The following EPCIP variants were observed in gnomAD, a reference collection of about 807,000 sequenced individuals.
The protein encoded by EPCIP is exosomal polycystin-1-interacting protein.
At chr21:32,805,833 A>G in the EPCIP span, among the ~76,000 whole-genome samples, 5 of 152,090 alleles carry the variant, frequency 3.3e-5, no homozygotes, top group Admixed American at 2.0e-4. Context: ...AGCCTGGATC[A>G]TTGGTAACTA....
the EPCIP span, among the ~76,000 whole-genome samples, chr21:32,806,052 G>A: frequency 6.6e-6 from 1 of 152,138 alleles, no homozygotes; most frequent in African/African-American, 2.4e-5. Context: ...TGGGACAGTG[G>A]CATTTGTGTC....
chr21:32,809,182 CGTGTGTGTGTGTGTGT>C, the EPCIP span, among the ~76,000 whole-genome samples: 2 of 121,092 alleles, frequency 1.7e-5, no homozygotes, highest in African/African-American at 6.2e-5. Context: ...TCGAGGGGTG[CGTGTGTGTGTGTGTGT>C]GTGTGTGTGT....
chr21:32,809,128 A>C, the EPCIP span, among the ~76,000 whole-genome samples: 1 of 150,950 alleles, frequency 6.6e-6, no homozygotes, highest in Non-Finnish European at 1.5e-5. Context: ...AGTGGATCAA[A>C]ACTGGGAAAG....
chr21:32,794,925 T>C, the EPCIP span, among the ~76,000 whole-genome samples: 1 of 152,352 alleles, frequency 6.6e-6, no homozygotes, highest in South Asian at 2.1e-4. Context: ...CCTCAATATC[T>C]GACTTCCTGG....
chr21:32,803,243 C>T, the EPCIP span, among the ~76,000 whole-genome samples: 15,255 of 152,260 alleles, frequency 0.1, 839 homozygotes, highest in Admixed American at 0.11. Context: ...AGGCCTTAAT[C>T]GGAATTTAAA....
At chr21:32,810,636 T>C in the EPCIP span, 2 of 471,714 alleles carry the variant, frequency 4.2e-6, no homozygotes, top group Admixed American at 4.7e-5. Flanking sequence ...GTCCACTCTC[T>C]TGGTGCCTGC....
chr21:32,806,065 T>C, the EPCIP span, among the ~76,000 whole-genome samples: 1 of 152,034 alleles, frequency 6.6e-6, no homozygotes, highest in African/African-American at 2.4e-5. Context: ...TTTGTGTCTT[T>C]CCAGCCCAAA....
the EPCIP span, among the ~76,000 whole-genome samples, chr21:32,795,693 G>T: frequency 6.6e-6 from 1 of 152,178 alleles, no homozygotes; most frequent in Admixed American, 6.5e-5. Context: ...GTGACAGCAG[G>T]AAAGAGGCTA....
the EPCIP span, among the ~76,000 whole-genome samples, chr21:32,802,345 C>T: frequency 6.6e-6 from 1 of 152,142 alleles, no homozygotes; most frequent in Admixed American, 6.5e-5. Context: ...TTCAGCTCTA[C>T]CCCACTAGCT....
At chr21:32,810,700 C>T in the EPCIP span, 36 of 470,764 alleles carry the variant, frequency 7.6e-5, 1 homozygote, top group Middle Eastern at 6.5e-4. Context: ...AACTGAGATA[C>T]GTCTCTAGCT....
the EPCIP span, among the ~76,000 whole-genome samples, chr21:32,809,539 T>TTA: frequency 1.3e-5 from 2 of 151,644 alleles, no homozygotes; most frequent in African/African-American, 4.9e-5. Flanking sequence ...GGCTAATGTT[T>TTA]AAAATTTTTT....
the EPCIP span, among the ~76,000 whole-genome samples, chr21:32,806,822 C>G: frequency 6.6e-6 from 1 of 152,086 alleles, no homozygotes; most frequent in African/African-American, 2.4e-5. Flanking sequence ...TTTTATTAGT[C>G]CATTTTCATG....
At chr21:32,799,058 C>T in the EPCIP span, 2 of 152,164 alleles carry the variant, frequency 1.3e-5, no homozygotes, top group Non-Finnish European at 2.9e-5. Flanking sequence ...CTGAGTCGTA[C>T]ACTCAGCTTG....
chr21:32,793,763 T>C, the EPCIP span: 9 of 1,613,360 alleles, frequency 5.6e-6, no homozygotes, highest in African/African-American at 1.2e-4. Flanking sequence ...GTTATTATGC[T>C]AGTAAATAAA....
chr21:32,809,505 C>G, the EPCIP span, among the ~76,000 whole-genome samples: 5 of 151,562 alleles, frequency 3.3e-5, no homozygotes, highest in African/African-American at 1.2e-4. Flanking sequence ...TCCTGAGTAG[C>G]TAGGACTATA....
the EPCIP span, chr21:32,794,132 G>T: frequency 6.2e-7 from 1 of 1,614,240 alleles, no homozygotes; most frequent in Non-Finnish European, 8.5e-7. Flanking sequence ...TTGGACCAGC[G>T]TGAAGTTCAG....
chr21:32,793,889 T>G, the EPCIP span: 3 of 1,614,120 alleles, frequency 1.9e-6, no homozygotes, highest in Non-Finnish European at 2.5e-6. Flanking sequence ...TAAGGCTGAG[T>G]CCCTGTTGAA....
the EPCIP span, chr21:32,794,177 A>T: frequency 6.2e-7 from 1 of 1,614,246 alleles, no homozygotes; most frequent in Admixed American, 1.7e-5. Flanking sequence ...CGTGAACCAG[A>T]TGGTCAGATG....
At chr21:32,809,304 C>CTT in the EPCIP span, among the ~76,000 whole-genome samples, 1 of 128,450 alleles carries the variant, frequency 7.8e-6, no homozygotes, top group African/African-American at 2.9e-5. Context: ...TTCTTTCTTT[C>CTT]TTTCTTTCTT....
Sources: allele counts gnomAD v4.1 joint callset (sites outside exome capture counted in the v4.1 genomes callset), GRCh38; gene constraint gnomAD v4.1.1; transcripts MANE v1.5; gene names NCBI Gene and HGNC (gene_info 2026-07-23, HGNC 2026-07-21).